Variants in MCTP2 observed in about 807,000 individuals in gnomAD.
The protein encoded by MCTP2 is multiple C2 and transmembrane domain containing 2, also known as multiple C2 and transmembrane domain-containing protein 2.
In MCTP2, 132 loss-of-function variants were observed where a neutral mutation model predicts 111.6. That is an observed-to-expected ratio of 1.18 (90% CI 1.03 to 1.37). MCTP2 has a LOEUF of 1.37. Ranked by LOEUF, MCTP2 falls within the 40% of genes most tolerant of loss-of-function variation. The pLI, the probability that MCTP2 is intolerant of heterozygous loss-of-function variation, is 0.00. For synonymous variants in MCTP2, 395 were observed against 387.7 expected (o/e 1.02, Z -0.22); for missense variants, 1,183 against 1,067.9 (o/e 1.11, Z -1.50).
At chr15:94,333,030 T>C (rs2077199001) in intron 4 of MCTP2, among the ~76,000 whole-genome samples, 1 of 152,172 alleles carries the variant, frequency 6.6e-6, no homozygotes, top group Non-Finnish European at 1.5e-5. Context: ...AGGTCAGGAA[T>C]CCGAGACCAG....
intron 1 of MCTP2, among the ~76,000 whole-genome samples, chr15:94,262,661 C>CT (rs11370437): frequency 0.3 from 43,486 of 146,618 alleles, 6,335 homozygotes; most frequent in South Asian, 0.4. Flanking sequence ...CTATTTCTTT[C>CT]TTTTTTTTTT....
chr15:94,426,611 T>G (rs554066258), intron 17 of MCTP2, among the ~76,000 whole-genome samples: 1 of 152,284 alleles, frequency 6.6e-6, no homozygotes, highest in Non-Finnish European at 1.5e-5. Context: ...TGGATTATAA[T>G]TATTTTAAAA....
intron 1 of MCTP2, among the ~76,000 whole-genome samples, chr15:94,260,187 C>T (rs1344269635): frequency 6.6e-6 from 1 of 152,184 alleles, no homozygotes; most frequent in Non-Finnish European, 1.5e-5. Flanking sequence ...GGAAACTTCT[C>T]CTGTTCCTCA....
intron 1 of MCTP2, among the ~76,000 whole-genome samples, chr15:94,276,276 TTTTATG>T: frequency 6.6e-6 from 1 of 152,120 alleles, no homozygotes; most frequent in Non-Finnish European, 1.5e-5. Context: ...TATAATGAAA[TTTTATG>T]TTGGTATGTT....
In MCTP2 at chr15:94,398,988, G is replaced by A. The variant is rs753672496; in HGVS notation, c.1816G>A (p.Val606Ile). 10 of 1,560,576 alleles carry A rather than the reference G, an allele frequency of 6.4e-6. No homozygotes were observed. The African/African-American group carries it at 1.1e-4, about 17-fold the overall frequency. The change falls in exon 15 of 23, where the codon GTA becomes ATA. Residue 606 changes from valine to isoleucine, a missense_variant. Coordinates refer to ENST00000357742, the MANE Select transcript of MCTP2 (RefSeq NM_001385001.1). ...SIRDGQPNCY[V>I]LKNKDLEQAF... ...TAGAGATGGACAACCGAATTGTTAT[G>A]TACTAAAGAATAAAGATTTAGAACA...
At chr15:94,424,428 C>T (rs960761400) in intron 17 of MCTP2, among the ~76,000 whole-genome samples, 2 of 152,222 alleles carry the variant, frequency 1.3e-5, no homozygotes, top group South Asian at 4.1e-4. Context: ...GCCTGGAGGG[C>T]AGCATCTGAA....
intron 21 of MCTP2, among the ~76,000 whole-genome samples, chr15:94,475,901 C>T (rs1361798165): frequency 3.4e-5 from 4 of 116,248 alleles, no homozygotes; most frequent in South Asian, 5.5e-4. Context: ...ATGTTGACAT[C>T]TTAAACGTTC....
intron 4 of MCTP2, among the ~76,000 whole-genome samples, chr15:94,330,366 C>T (rs901112930): frequency 3.3e-5 from 5 of 151,984 alleles, no homozygotes; most frequent in African/African-American, 9.7e-5. Context: ...AAGGAGAATG[C>T]GAGAGTATCA....
At chr15:94,276,892 A>C (rs1440061601) in intron 1 of MCTP2, among the ~76,000 whole-genome samples, 1 of 149,588 alleles carries the variant, frequency 6.7e-6, no homozygotes, top group Admixed American at 6.6e-5. Flanking sequence ...TGTCTTAAGG[A>C]ATATTACGAG....
At chr15:94,422,814 T>C (rs1421690476) in intron 17 of MCTP2, among the ~76,000 whole-genome samples, 1 of 152,190 alleles carries the variant, frequency 6.6e-6, no homozygotes, top group Non-Finnish European at 1.5e-5. Flanking sequence ...TGTCATATCT[T>C]TTGCTTTTAC....
chr15:94,377,130 G>A (rs2079820257), intron 12 of MCTP2, among the ~76,000 whole-genome samples: 1 of 152,114 alleles, frequency 6.6e-6, no homozygotes, highest in South Asian at 2.1e-4. Flanking sequence ...TGTCAGAAGA[G>A]GAATAGTCTC....
chr15:94,466,404 A>G (rs1416608295), intron 20 of MCTP2, among the ~76,000 whole-genome samples: 1 of 152,154 alleles, frequency 6.6e-6, no homozygotes, highest in Non-Finnish European at 1.5e-5. Context: ...TACCAGTCCC[A>G]GGACCTACCA....
At chr15:94,358,694 C>T in intron 10 of MCTP2, 82 bp downstream of exon 10, 1 of 1,513,232 alleles carries the variant, frequency 6.6e-7, no homozygotes. Flanking sequence ...TCTGTTAGGG[C>T]TGAGGGCACT....
intron 1 of MCTP2, among the ~76,000 whole-genome samples, chr15:94,271,367 G>C (rs2073898889): frequency 6.6e-6 from 1 of 152,168 alleles, no homozygotes; most frequent in Non-Finnish European, 1.5e-5. Flanking sequence ...ATTCTTACAT[G>C]AGACTACCTT....
chr15:94,477,317 G>A (rs1029466917), intron 22 of MCTP2, among the ~76,000 whole-genome samples: 5 of 152,216 alleles, frequency 3.3e-5, no homozygotes, highest in Non-Finnish European at 7.3e-5. Flanking sequence ...CAAAGAGGCA[G>A]AGGCAGTGTG....
At chr15:94,457,288 C>G (rs1445510121) in intron 19 of MCTP2, among the ~76,000 whole-genome samples, 2 of 152,144 alleles carry the variant, frequency 1.3e-5, no homozygotes, top group Admixed American at 6.5e-5. Context: ...AAATACTACT[C>G]TTTAGGGAAT....
Position 94,393,695 on chromosome 15 carries a change from A to G in MCTP2, c.1789-5266A>G, listed in dbSNP as rs371263202. Among the ~76,000 whole-genome samples, 140 of 152,326 alleles carry G rather than the reference A, an allele frequency of 9.2e-4. 1 individual carries two copies. The South Asian group carries it at 0.029, about 31-fold the overall frequency. On this transcript the variant is annotated intron_variant, in intron 14 of 22. Transcript: ENST00000357742. ...AACAAATGGATAATATCACTAGTAC[A>G]GTATATACATTTTCTTTAATCAATA...
intron 2 of MCTP2, among the ~76,000 whole-genome samples, chr15:94,298,996 CCTCTCCCT>C (rs1441466726): frequency 2.7e-4 from 17 of 62,726 alleles, no homozygotes; most frequent in South Asian, 8.9e-4. Flanking sequence ...TCCCTCTCTC[CCTCTCCCT>C]CTCTCCCTCT....
Position 94,440,225 on chromosome 15 carries a change from C to A in MCTP2, c.2135C>A (p.Ala712Glu), listed in dbSNP as rs771957515. The change falls in exon 18 of 23, where the codon GCA becomes GAA. Residue 712 changes from alanine to glutamate, a missense_variant. Ala to Glu is a moderately radical substitution (Grantham distance 107). Transcript: ENST00000357742. ...WNFELYMIPL[A>E]LLLIFVYNFI... ...TTTGAACTATATATGATCCCCTTGG[C>A]ATTGTTGCTGATCTTTGTCTACAAT... 1 of 1,614,016 alleles carries A rather than the reference C, an allele frequency of 6.2e-7. No individual in the cohort carries two copies. Among genetic ancestry groups the A allele is most frequent in the Admixed American group, 1.7e-5 (1 of 60,016 alleles).
Sources: allele counts gnomAD v4.1 joint callset (sites outside exome capture counted in the v4.1 genomes callset), GRCh38; gene constraint gnomAD v4.1.1; transcripts MANE v1.5; gene names NCBI Gene and HGNC (gene_info 2026-07-23, HGNC 2026-07-21).